The following RALGAPA2 variants were observed in gnomAD, a reference collection of about 807,000 sequenced individuals.
The protein encoded by RALGAPA2 is ral GTPase-activating protein subunit alpha-2.
RALGAPA2 carries 139 observed loss-of-function variants against 230.4 expected under a neutral mutation model. That is an observed-to-expected ratio of 0.60 (90% CI 0.53 to 0.69). The LOEUF (loss-of-function observed/expected upper bound fraction) is 0.69. RALGAPA2 is among the 30% of genes least tolerant of loss of function. The probability of loss-of-function intolerance (pLI) is 0.00; values close to 1 mark genes in which losing one functional copy is unlikely to be tolerated. For synonymous variants in RALGAPA2, 847 were observed against 837.8 expected, an observed-to-expected ratio of 1.01 and a Z score of -0.19; for missense variants, 2,163 against 2,276.0, an observed-to-expected ratio of 0.95 and a Z score of 1.01.
rs1449786227 is a variant in RALGAPA2 at position 20,437,808 on chromosome 20, T to G, written c.5496-25660A>C. ...CTGGATTTTCATGATCTAGCTTGCT[T>G]GCTGTCAGCCTCTTCCACTGGAATG... On this transcript the variant is annotated intron_variant, in intron 37 of 39. Transcript: ENST00000202677. The surrounding 1 kb of genome is among the most constrained non-coding windows in gnomAD (Gnocchi z 4.1). Among the ~76,000 whole-genome samples, 1 of 152,216 alleles carries G rather than the reference T, an allele frequency of 6.6e-6. No individual in the cohort carries two copies. Among genetic ancestry groups the G allele is most frequent in the Non-Finnish European group, 1.5e-5 (1 of 68,034 alleles).
At chr20:20,534,725 G>A (rs1569468133) in intron 26 of RALGAPA2, among the ~76,000 whole-genome samples, 1 of 152,072 alleles carries the variant, frequency 6.6e-6, no homozygotes, top group Non-Finnish European at 1.5e-5. Flanking sequence ...AACTCTTTCT[G>A]ATTAAAGAAA....
At chr20:20,586,533 C>A (rs2065138916) in intron 18 of RALGAPA2, among the ~76,000 whole-genome samples, 1 of 152,088 alleles carries the variant, frequency 6.6e-6, no homozygotes, top group Non-Finnish European at 1.5e-5. Context: ...TTTAGATCCC[C>A]CAAGGATTTC....
At chr20:20,544,916 T>C (rs895735176) in intron 24 of RALGAPA2, among the ~76,000 whole-genome samples, 2 of 152,170 alleles carry the variant, frequency 1.3e-5, no homozygotes, top group African/African-American at 4.8e-5. Context: ...AAATACCTAA[T>C]GTAGGTGACA....
rs1355026418 is a variant in RALGAPA2 at position 20,436,838 on chromosome 20, C to T, written c.5496-24690G>A. 4.6e-5 allele frequency among the ~76,000 whole-genome samples: 7 copies of T among 152,262 alleles called. No homozygotes were observed. In the South Asian group the frequency reaches 1.4e-3, roughly 32 times the overall value. Reference sequence around the variant, plus strand: ...AAACTGCCATTTTGACTGCCCACTACGTCCTGCCAGACACACTCATGTGCC... The same window carrying T: ...AAACTGCCATTTTGACTGCCCACTATGTCCTGCCAGACACACTCATGTGCC... On this transcript the variant is annotated intron_variant, in intron 37 of 39. Coordinates refer to ENST00000202677, the MANE Select transcript of RALGAPA2 (RefSeq NM_020343.4).
At chr20:20,498,034 C>A (rs2062262436) in intron 35 of RALGAPA2, among the ~76,000 whole-genome samples, 1 of 152,176 alleles carries the variant, frequency 6.6e-6, no homozygotes, top group Non-Finnish European at 1.5e-5. Flanking sequence ...TTCATCTGGG[C>A]AAACTGTCAA....
chr20:20,676,130 T>C (rs913732367), intron 3 of RALGAPA2, 106 bp downstream of exon 3: 15 of 707,860 alleles, frequency 2.1e-5, no homozygotes, highest in Non-Finnish European at 2.9e-5. Flanking sequence ...AAAAAATATA[T>C]GTCCACCAAC....
chr20:20,400,678 A>C (rs562078633), intron 38 of RALGAPA2, among the ~76,000 whole-genome samples: 1 of 152,350 alleles, frequency 6.6e-6, no homozygotes, highest in East Asian at 1.9e-4. Flanking sequence ...AGCCATGGGA[A>C]GTCTGTGTAC....
At chr20:20,589,691 G>A (rs1162524508) in intron 17 of RALGAPA2, among the ~76,000 whole-genome samples, 2 of 152,124 alleles carry the variant, frequency 1.3e-5, no homozygotes, top group Non-Finnish European at 2.9e-5. Flanking sequence ...GAGAAAAAGT[G>A]CCTGTGTTGG....
chr20:20,565,862 T>G lies in RALGAPA2; in HGVS notation c.3156+5596A>C, dbSNP rs562263996. Among the ~76,000 whole-genome samples, 14 of 152,354 alleles carry G rather than the reference T, an allele frequency of 9.2e-5. No individual in the cohort carries two copies. In the South Asian group the frequency reaches 2.9e-3, roughly 32 times the overall value. On this transcript the variant is annotated intron_variant, in intron 23 of 39. Transcript: ENST00000202677. ...GCACAGCACTTTGCAGAGCAGTTAC[T>G]GGCTGAGCCAGGGTCTTACTTGCAG...
At position 20,512,811 on chromosome 20, in the gene RALGAPA2, G is replaced by A. The variant is rs769385521; in HGVS notation, c.4558C>T (p.Leu1520Phe). The A allele has an allele frequency of 6.2e-7, 1 of 1,613,730 alleles. No individual in the cohort carries two copies. The highest frequency in any genetic ancestry group is 8.5e-7 in the Non-Finnish European group (1 of 1,179,656). Residue 1520 changes from leucine to phenylalanine, a missense_variant, in exon 32 of 40, where the codon CTT becomes TTT. Transcript: ENST00000202677. ...SSQVEEGDDV[L>F]DKLLENIGHT... is the part of the protein sequence containing the mutation. The stretch of plus-strand genomic sequence containing the variant: ...CCAATGTTTTCAAGTAATTTGTCAA[G>A]AACATCATCCCCCTCCTCAACTTGA...
chr20:20,699,940 C>A (rs2069275923), intron 1 of RALGAPA2, among the ~76,000 whole-genome samples: 1 of 152,072 alleles, frequency 6.6e-6, no homozygotes, highest in Non-Finnish European at 1.5e-5. Flanking sequence ...TTTGACCCAG[C>A]AATTCCATTA....
rs2059633642 is a variant in RALGAPA2 at position 20,393,206 on chromosome 20, C to T, written c.*83G>A. 7.4e-7 allele frequency: 1 copy of T among 1,351,212 alleles called. No homozygotes were observed. The highest frequency in any genetic ancestry group is 1.2e-5 in the South Asian group (1 of 85,032). The allele number at this position is 1,351,212 out of a possible 1,614,324, so 83.7% of individuals were successfully genotyped here. ...AGGAGAGGGTGTTCTGTCTCCTCCT[C>T]ACTCAGGGGCTCTTCGAGGTCAGCA... On this transcript the variant is annotated 3_prime_UTR_variant, in exon 40 of 40. Coordinates refer to ENST00000202677, the MANE Select transcript of RALGAPA2 (RefSeq NM_020343.4).
intron 24 of RALGAPA2, among the ~76,000 whole-genome samples, chr20:20,539,886 T>C (rs1441783772): frequency 6.6e-6 from 1 of 152,262 alleles, no homozygotes; most frequent in Admixed American, 6.5e-5. Context: ...TGAGCTTGGC[T>C]TCTTTCATTT....
intron 38 of RALGAPA2, among the ~76,000 whole-genome samples, chr20:20,407,772 CA>C (rs11475953): frequency 0.18 from 26,759 of 152,124 alleles, 6,318 homozygotes; most frequent in African/African-American, 0.53. Context: ...AGGTAAGTGG[CA>C]ATAATAACCC....
intron 10 of RALGAPA2, among the ~76,000 whole-genome samples, chr20:20,625,794 G>A (rs565703149): frequency 6.6e-6 from 1 of 152,100 alleles, no homozygotes. Context: ...TTACAGTGAA[G>A]TGACCCAGTG....
At chr20:20,463,891 A>C (rs560863751) in intron 37 of RALGAPA2, among the ~76,000 whole-genome samples, 10 of 152,248 alleles carry the variant, frequency 6.6e-5, no homozygotes, top group Non-Finnish European at 7.3e-5. Context: ...TATGATGACC[A>C]TTTCCACTTT....
chr20:20,432,786 T>A (rs2060527372), intron 37 of RALGAPA2, among the ~76,000 whole-genome samples: 1 of 152,222 alleles, frequency 6.6e-6, no homozygotes, highest in South Asian at 2.1e-4. Context: ...GAATATTTTT[T>A]AAAACTAGCC....
intron 37 of RALGAPA2, among the ~76,000 whole-genome samples, chr20:20,416,666 T>C (rs2060171650): frequency 6.6e-6 from 1 of 152,246 alleles, no homozygotes; most frequent in African/African-American, 2.4e-5. Context: ...GCTGACTTTA[T>C]AAAATACAAC....
intron 36 of RALGAPA2, among the ~76,000 whole-genome samples, chr20:20,482,367 T>C (rs947532247): frequency 6.6e-6 from 1 of 152,200 alleles, no homozygotes; most frequent in African/African-American, 2.4e-5. Flanking sequence ...AGATAAAATA[T>C]TCTGAAGCTA....
Sources: gnomAD v4.1 joint callset for allele counts (sites outside exome capture counted in the v4.1 genomes callset) on GRCh38, gnomAD v4.1.1 for gene constraint, Gnocchi (gnomAD v3.1) non-coding constraint, MANE v1.5 for transcripts, NCBI Gene and HGNC (gene_info 2026-07-23, HGNC 2026-07-21) for gene names.